DDX10: variants seen among roughly 807,000 people sequenced by gnomAD.
DDX10 encodes the protein DEAD-box helicase 10, also known as probable ATP-dependent RNA helicase DDX10.
Under a neutral mutation model 104.3 loss-of-function variants are expected in DDX10, and 74 were observed. The ratio of observed to expected loss-of-function variants is 0.71; its 90% CI spans 0.59 to 0.86. DDX10 has a LOEUF of 0.86. Among genes scored for constraint, DDX10 ranks in the 40% least tolerant of loss-of-function variants. DDX10 has a pLI of 0.00. For missense variants in DDX10, 952 were observed against 1,040.0 expected (o/e 0.92, Z 1.16); for synonymous variants, 351 against 353.4 (o/e 0.99, Z 0.08).
intron 13 of DDX10, chr11:108,727,870 A>T: frequency 5.0e-6 from 1 of 198,788 alleles, no homozygotes; most frequent in Non-Finnish European, 1.1e-5. Context: ...ACATGTGAAG[A>T]GATCATCAAC....
chr11:108,926,824 G>C (rs1178130715), intron 17 of DDX10, among the ~76,000 whole-genome samples: 1 of 152,144 alleles, frequency 6.6e-6, no homozygotes, highest in Non-Finnish European at 1.5e-5. Flanking sequence ...TTTAGGATGG[G>C]TATAAAGGTT....
chr11:108,855,128 T>C (rs1001059142), intron 16 of DDX10, among the ~76,000 whole-genome samples: 18 of 152,226 alleles, frequency 1.2e-4, no homozygotes, highest in African/African-American at 4.3e-4. Context: ...CACAATAGAA[T>C]TGTTTTTACT....
At chr11:108,841,798 C>G (rs925394718) in intron 15 of DDX10, among the ~76,000 whole-genome samples, 2 of 152,140 alleles carry the variant, frequency 1.3e-5, no homozygotes, top group African/African-American at 2.4e-5. Context: ...ATATCCCAAG[C>G]TCTCCATTTC....
intron 17 of DDX10, among the ~76,000 whole-genome samples, chr11:108,939,184 G>A (rs1256921953): frequency 1.3e-5 from 2 of 152,182 alleles, no homozygotes; most frequent in African/African-American, 4.8e-5. Flanking sequence ...AGGTCTGACT[G>A]TGTTGATGTC....
intron 13 of DDX10, among the ~76,000 whole-genome samples, chr11:108,806,435 C>T (rs1481980333): frequency 5.3e-5 from 8 of 152,108 alleles, no homozygotes; most frequent in East Asian, 1.9e-4. Context: ...TCCATACAAT[C>T]GTTCAGGTAG....
At chr11:108,751,116 C>T (rs1348224372) in intron 13 of DDX10, among the ~76,000 whole-genome samples, 1 of 151,422 alleles carries the variant, frequency 6.6e-6, no homozygotes, top group Non-Finnish European at 1.5e-5. Flanking sequence ...AAATAGAGTA[C>T]TTTTTATTTT....
intron 11 of DDX10, among the ~76,000 whole-genome samples, chr11:108,718,452 C>T (rs1219527065): frequency 6.6e-6 from 1 of 152,152 alleles, no homozygotes; most frequent in Non-Finnish European, 1.5e-5. Context: ...ATCCTTCAAA[C>T]TTGCAGTTGA....
intron 13 of DDX10, among the ~76,000 whole-genome samples, chr11:108,748,812 C>T (rs2094334855): frequency 6.6e-6 from 1 of 152,140 alleles, no homozygotes; most frequent in Non-Finnish European, 1.5e-5. Flanking sequence ...TCCCAGGCAG[C>T]TGGGACTATA....
intron 16 of DDX10, among the ~76,000 whole-genome samples, chr11:108,887,595 AC>A (rs1172972502): frequency 2.0e-5 from 3 of 151,820 alleles, no homozygotes; most frequent in South Asian, 2.1e-4. Context: ...AAAAAAAAAA[AC>A]AAACCAGAAA....
intron 12 of DDX10, 134 bp downstream of exon 12, chr11:108,720,019 C>T (rs2094296334): frequency 4.6e-6 from 3 of 648,362 alleles, no homozygotes; most frequent in Non-Finnish European, 2.7e-6. Context: ...CCACCCACCT[C>T]AACTTCCTGA....
At chr11:108,937,746 T>C (rs200937232) in intron 17 of DDX10, among the ~76,000 whole-genome samples, 2 of 152,220 alleles carry the variant, frequency 1.3e-5, no homozygotes, top group African/African-American at 4.8e-5. Context: ...TTTGGTTTAT[T>C]GAAAGACTGT....
chr11:108,915,432 GT>G (rs1267407857), intron 16 of DDX10, among the ~76,000 whole-genome samples: 86 of 116,890 alleles, frequency 7.4e-4, no homozygotes, highest in Admixed American at 6.6e-4. Context: ...AAAAAGGCTT[GT>G]TTTTTTTTTT....
intron 13 of DDX10, among the ~76,000 whole-genome samples, chr11:108,828,221 T>C (rs967921432): frequency 1.3e-5 from 2 of 152,212 alleles, no homozygotes; most frequent in Non-Finnish European, 2.9e-5. Context: ...ATAGGTTCTT[T>C]AGTGGTGCCT....
intron 13 of DDX10, among the ~76,000 whole-genome samples, chr11:108,750,926 C>CTTTTTTTTTTTTTTTTT (rs10582729): frequency 4.1e-5 from 1 of 24,250 alleles, no homozygotes; most frequent in African/African-American, 9.5e-5. Flanking sequence ...CACCTGGTTA[C>CTTTTTTTTTTTTTTTTT]TTTTTTTTTT....
intron 1 of DDX10, among the ~76,000 whole-genome samples, chr11:108,667,128 C>T (rs976328056): frequency 2.6e-5 from 4 of 152,236 alleles, no homozygotes; most frequent in Non-Finnish European, 5.9e-5. Flanking sequence ...GATCAGCAAA[C>T]TTTCTCTGTA....
At chr11:108,899,983 C>T (rs994729628) in intron 16 of DDX10, among the ~76,000 whole-genome samples, 4 of 152,174 alleles carry the variant, frequency 2.6e-5, no homozygotes, top group South Asian at 2.1e-4. Flanking sequence ...CATGGTGGCA[C>T]ATGCCTGTAA....
chr11:108,795,564 T>C (rs1235024857), intron 13 of DDX10, among the ~76,000 whole-genome samples: 1 of 140,580 alleles, frequency 7.1e-6, no homozygotes, highest in East Asian at 2.2e-4. Flanking sequence ...ATTGTTCAGT[T>C]CCCACCTATG....
At chr11:108,937,984 G>C (rs1190235481) in intron 17 of DDX10, among the ~76,000 whole-genome samples, 1 of 152,180 alleles carries the variant, frequency 6.6e-6, no homozygotes, top group African/African-American at 2.4e-5. Flanking sequence ...ATAAAATGCA[G>C]AGCTCAGGCT....
chr11:108,885,903 A>C (rs1376802936), intron 16 of DDX10, among the ~76,000 whole-genome samples: 1 of 152,196 alleles, frequency 6.6e-6, no homozygotes, highest in Non-Finnish European at 1.5e-5. Context: ...TTGAGGTAGA[A>C]AATCTTCTAT....
Sources: allele counts gnomAD v4.1 joint callset (sites outside exome capture counted in the v4.1 genomes callset), GRCh38; gene constraint gnomAD v4.1.1; transcripts MANE v1.5; gene names NCBI Gene and HGNC (gene_info 2026-07-23, HGNC 2026-07-21).